AGAP1: variants seen among roughly 807,000 people sequenced by gnomAD.
The protein encoded by AGAP1 is arf-GAP with GTPase, ANK repeat and PH domain-containing protein 1.
A neutral mutation model predicts 105.3 loss-of-function variants in AGAP1; 29 were observed. The ratio of observed to expected loss-of-function variants is 0.28; its 90% CI spans 0.21 to 0.38. The LOEUF is 0.38. Among genes scored for constraint, AGAP1 ranks in the 10% least tolerant of loss-of-function variants. AGAP1 has a pLI of 1.00. For missense variants in AGAP1, 998 were observed against 1,165.1 expected (o/e 0.86, Z 2.09); for synonymous variants, 509 against 485.9 (o/e 1.05, Z -0.63).
chr2:235,536,463 C>T, intron 1 of AGAP1, among the ~76,000 whole-genome samples: 1 of 68,124 alleles, frequency 1.5e-5, no homozygotes, highest in Non-Finnish European at 2.5e-5. Context: ...TTGTTTGTGG[C>T]ATCCTACACA....
intron 16 of AGAP1, among the ~76,000 whole-genome samples, chr2:236,097,401 T>C (rs2125891399): frequency 7.4e-6 from 1 of 134,686 alleles, no homozygotes; most frequent in South Asian, 2.6e-4. Context: ...TTTTTTTTTT[T>C]TTTTTTTTTT....
At chr2:236,057,227 A>G (rs749687126) in intron 16 of AGAP1, among the ~76,000 whole-genome samples, 2 of 152,034 alleles carry the variant, frequency 1.3e-5, no homozygotes, top group Non-Finnish European at 2.9e-5. Flanking sequence ...TCCTACCTCA[A>G]CCTCCCAGGT....
chr2:235,672,469 G>A (rs1948489457), intron 1 of AGAP1, among the ~76,000 whole-genome samples: 1 of 152,154 alleles, frequency 6.6e-6, no homozygotes, highest in South Asian at 2.1e-4. Flanking sequence ...AACCTCCCTT[G>A]GAGCACTTAC....
Position 236,125,651 on chromosome 2 carries a change from A to G in AGAP1, c.*1529A>G, listed in dbSNP as rs13413136. ...GAGGTGCCTTACGAAGGCAGCTGCC[A>G]ATGGTTCTGTGGCACAGACTGGCTC... On this transcript the variant is annotated 3_prime_UTR_variant, in exon 18 of 18. Coordinates refer to ENST00000304032, the MANE Select transcript of AGAP1 (RefSeq NM_001037131.3). The surrounding 1 kb of genome is among the most constrained non-coding windows in gnomAD (Gnocchi z 5.2). The G allele has an allele frequency of 0.15, 23,386 of 152,192 alleles. 2,489 individuals carry two copies. Among genetic ancestry groups the G allele is most frequent in the African/African-American group, 0.3 (12,578 of 41,480 alleles). 9.4% of individuals were successfully genotyped at this position (152,192 alleles called of 1,614,324 possible). A position where few individuals can be genotyped will look rare whatever the true frequency, so the allele number is the denominator to read the frequency against.
At position 236,044,764 on chromosome 2, in the gene AGAP1, A is replaced by G. The variant is rs1010013333; in HGVS notation, c.1891+3923A>G. The stretch of plus-strand genomic sequence containing the variant: ...AGTCCTTCCCTGACCTCCAGGTTTG[A>G]AATCACACACACACACACACACACA... On this transcript the variant is annotated intron_variant, in intron 15 of 17. Coordinates refer to ENST00000304032, the MANE Select transcript of AGAP1 (RefSeq NM_001037131.3). The surrounding 1 kb of genome is among the most constrained non-coding windows in gnomAD (Gnocchi z 5.7). 6.9e-5 allele frequency among the ~76,000 whole-genome samples: 8 copies of G among 116,146 alleles called. No individual in the cohort carries two copies. The highest frequency in any genetic ancestry group is 1.3e-4 in the Non-Finnish European group (8 of 60,288). The allele number at this position is 116,146 out of a possible 152,430, so 76.2% of individuals were successfully genotyped here.
intron 1 of AGAP1, among the ~76,000 whole-genome samples, chr2:235,686,634 T>TATAG (rs1949427714): frequency 1.9e-5 from 1 of 51,898 alleles, no homozygotes; most frequent in Non-Finnish European, 3.5e-5. Context: ...TATATATATA[T>TATAG]ATATATATAT....
chr2:235,693,434 T>G (rs887079463), intron 1 of AGAP1, among the ~76,000 whole-genome samples: 1 of 152,178 alleles, frequency 6.6e-6, no homozygotes. Context: ...GTCTCTGGCA[T>G]GGGGACTCAG....
intron 17 of AGAP1, among the ~76,000 whole-genome samples, chr2:236,122,063 C>T (rs114415547): frequency 1.3e-5 from 2 of 151,496 alleles, no homozygotes; most frequent in African/African-American, 2.4e-5. Context: ...GCAATCCCCC[C>T]ACCCTAGCCT....
intron 9 of AGAP1, among the ~76,000 whole-genome samples, chr2:235,841,770 T>C (rs945196462): frequency 2.6e-5 from 4 of 152,224 alleles, no homozygotes; most frequent in Admixed American, 2.0e-4. Flanking sequence ...GGACGATTCC[T>C]TCCAGACAGC....
rs1330973058 is a variant in AGAP1 at position 235,714,504 on chromosome 2, A to G, written c.223-3053A>G. ...CCTGGAGACAGCAAGGCCTGTTAGG[A>G]TGGGGCTTGGTAGCTGATTGACTAG... On this transcript the variant is annotated intron_variant, in intron 2 of 17. Coordinates refer to ENST00000304032, the MANE Select transcript of AGAP1 (RefSeq NM_001037131.3). The surrounding 1 kb of genome is among the most constrained non-coding windows in gnomAD (Gnocchi z 4.1). Among the ~76,000 whole-genome samples the G allele has an allele frequency of 1.3e-5, 2 of 151,806 alleles. No individual in the cohort carries two copies. The highest frequency in any genetic ancestry group is 1.5e-5 in the Non-Finnish European group (1 of 67,974).
intron 9 of AGAP1, among the ~76,000 whole-genome samples, chr2:235,823,640 C>T (rs1415756898): frequency 6.6e-6 from 1 of 152,156 alleles, no homozygotes; most frequent in African/African-American, 2.4e-5. Flanking sequence ...TCCTTGTGCA[C>T]TTCTCAAAAA....
In AGAP1 at chr2:235,930,692, C is replaced by G. The variant is rs985227516; in HGVS notation, c.1325-73C>G. On this transcript the variant is annotated intron_variant, in intron 11 of 17. Coordinates refer to ENST00000304032, the MANE Select transcript of AGAP1 (RefSeq NM_001037131.3). This position sits in a 1 kb window ranked among gnomAD's most constrained non-coding sequence, Gnocchi z 7.9. Reference sequence around the variant, plus strand: ...TGCACTATGTGCCAGCGTGTGGGTCCCATAGACTAACTCGCGCTGGTTTCT... The same window carrying G: ...TGCACTATGTGCCAGCGTGTGGGTCGCATAGACTAACTCGCGCTGGTTTCT... 4 of 1,491,438 alleles carry G rather than the reference C, an allele frequency of 2.7e-6. No individual in the cohort carries two copies. In the African/African-American group the frequency reaches 4.1e-5, roughly 15 times the overall value. The allele number at this position is 1,491,438 out of a possible 1,614,324, so 92.4% of individuals were successfully genotyped here.
chr2:235,606,161 C>T (rs932021888), intron 1 of AGAP1, among the ~76,000 whole-genome samples: 1 of 152,240 alleles, frequency 6.6e-6, no homozygotes, highest in African/African-American at 2.4e-5. Flanking sequence ...AGTAAGGCAT[C>T]TGCTCTGGCC....
chr2:235,571,975 T>TACACAC (rs371181654), intron 1 of AGAP1, among the ~76,000 whole-genome samples: 1,013 of 78,966 alleles, frequency 0.013, 31 homozygotes, highest in African/African-American at 0.041. Flanking sequence ...TATATATGTA[T>TACACAC]ACACACACAC....
chr2:235,853,088 G>A (rs1284112672), intron 9 of AGAP1: 13 of 1,231,452 alleles, frequency 1.1e-5, no homozygotes, highest in African/African-American at 6.2e-5. Flanking sequence ...ATCAATGAGC[G>A]TTTACGCTCT....
rs1160154593 is a variant in AGAP1, at chr2:235,720,441, C to T, written c.310+2797C>T. Reference sequence around the variant, plus strand: ...CCCAGCCTCACCTGTGGTTACTTACCCACACAAAGGTGAGGGCACTCCCAC... The same window carrying T: ...CCCAGCCTCACCTGTGGTTACTTACTCACACAAAGGTGAGGGCACTCCCAC... On this transcript the variant is annotated intron_variant, in intron 3 of 17. Coordinates refer to ENST00000304032, the MANE Select transcript of AGAP1 (RefSeq NM_001037131.3). The surrounding 1 kb of genome is among the most constrained non-coding windows in gnomAD (Gnocchi z 5.0). Among the ~76,000 whole-genome samples the T allele has an allele frequency of 2.6e-5, 4 of 151,970 alleles. No individual in the cohort carries two copies. The highest frequency in any genetic ancestry group is 4.4e-5 in the Non-Finnish European group (3 of 67,976).
chr2:235,874,639 C>T lies in AGAP1; in HGVS notation c.1051-8706C>T, dbSNP rs1575667208. ...GCAGGCCTCACTTGGATCAGCTGCT[C>T]CTGTCCTTAGGGGTCAGGACAGGAC... is the stretch of plus-strand genomic sequence containing the variant. On this transcript the variant is annotated intron_variant, in intron 9 of 17. Transcript: ENST00000304032. The surrounding 1 kb of genome is among the most constrained non-coding windows in gnomAD (Gnocchi z 4.5). 6.6e-6 allele frequency among the ~76,000 whole-genome samples: 1 copy of T among 152,332 alleles called. No homozygotes were observed. The highest frequency in any genetic ancestry group is 1.9e-4 in the East Asian group (1 of 5,182).
Position 236,073,875 on chromosome 2 carries a change from C to A in AGAP1, c.2114+24594C>A, listed in dbSNP as rs1472741069. ...CCCCCACCAGACCCCCAGAATCACA[C>A]TATGCTGGTTGGCCTGGGCATGCCC... On this transcript the variant is annotated intron_variant, in intron 16 of 17. Transcript: ENST00000304032. This position sits in a 1 kb window ranked among gnomAD's most constrained non-coding sequence, Gnocchi z 5.4. Among the ~76,000 whole-genome samples, 1 of 152,148 alleles carries A rather than the reference C, an allele frequency of 6.6e-6. No individual in the cohort carries two copies. Among genetic ancestry groups the A allele is most frequent in the African/African-American group, 2.4e-5 (1 of 41,428 alleles).
In AGAP1 at chr2:235,763,070, A is replaced by G. The variant is rs558794325; in HGVS notation, c.673+12582A>G. Among the ~76,000 whole-genome samples the G allele has an allele frequency of 2.9e-3, 242 of 82,460 alleles. 5 individuals are homozygous for G. The highest frequency in any genetic ancestry group is 9.9e-3 in the Middle Eastern group (2 of 202). The allele number at this position is 82,460 out of a possible 152,430, so 54.1% of individuals were successfully genotyped here. On this transcript the variant is annotated intron_variant, in intron 6 of 17. Transcript: ENST00000304032. ...TGTGTGTATGTGTGCGCGCGCGCGC[A>G]CACGTGCACCTGCCGTGTTTGAAAA...
Sources: allele counts gnomAD v4.1 joint callset (sites outside exome capture counted in the v4.1 genomes callset), GRCh38; gene constraint gnomAD v4.1.1; non-coding constraint Gnocchi (gnomAD v3.1); transcripts MANE v1.5; gene names NCBI Gene and HGNC (gene_info 2026-07-23, HGNC 2026-07-21).